DPP10: variants seen among roughly 807,000 people sequenced by gnomAD.
DPP10 encodes the protein dipeptidyl peptidase like 10.
A neutral mutation model predicts 120.9 loss-of-function variants in DPP10; 33 were observed. The ratio of observed to expected loss-of-function variants is 0.27; its 90% CI spans 0.21 to 0.37. The LOEUF is 0.37. Among genes scored for constraint, DPP10 ranks in the 10% least tolerant of loss-of-function variants. The probability of loss-of-function intolerance (pLI) is 1.00; values close to 1 mark genes in which losing one functional copy is unlikely to be tolerated. For missense variants in DPP10, 816 were observed against 942.8 expected, an observed-to-expected ratio of 0.87 and a Z score of 1.76; for synonymous variants, 337 against 326.1, an observed-to-expected ratio of 1.03 and a Z score of -0.36.
At chr2:115,531,135 G>T (rs1465194237) in intron 5 of DPP10, among the ~76,000 whole-genome samples, 2 of 100,930 alleles carry the variant, frequency 2.0e-5, no homozygotes, top group Non-Finnish European at 3.9e-5. Flanking sequence ...TACCTAATAT[G>T]ATTCAAGATT....
intron 5 of DPP10, among the ~76,000 whole-genome samples, chr2:115,581,905 C>G (rs62156707): frequency 0.019 from 2,931 of 152,192 alleles, 57 homozygotes; most frequent in Non-Finnish European, 0.028. Context: ...AGTGGCAACT[C>G]CATATGGGTC....
At chr2:115,228,905 T>G (rs969155698) in intron 1 of DPP10, among the ~76,000 whole-genome samples, 1 of 152,140 alleles carries the variant, frequency 6.6e-6, no homozygotes, top group Admixed American at 6.6e-5. Flanking sequence ...GTGGTGGGGT[T>G]GCTGGATCTT....
At chr2:115,498,878 A>G (rs951650213) in intron 3 of DPP10, among the ~76,000 whole-genome samples, 54 of 152,112 alleles carry the variant, frequency 3.6e-4, no homozygotes, top group African/African-American at 1.2e-3. Flanking sequence ...AAGAAATGCA[A>G]TTATTTAAAA....
At chr2:115,283,563 T>C (rs1395128748) in intron 1 of DPP10, among the ~76,000 whole-genome samples, 2 of 152,122 alleles carry the variant, frequency 1.3e-5, no homozygotes, top group Non-Finnish European at 2.9e-5. Flanking sequence ...TTACTGGTTT[T>C]GGTTATTGGA....
chr2:115,477,442 A>C (rs1042249796), intron 3 of DPP10, among the ~76,000 whole-genome samples: 1 of 152,180 alleles, frequency 6.6e-6, no homozygotes, highest in African/African-American at 2.4e-5. Flanking sequence ...TTAAGAATTT[A>C]GTTATCTAAA....
intron 1 of DPP10, among the ~76,000 whole-genome samples, chr2:115,182,957 C>T (rs1441418568): frequency 6.6e-6 from 1 of 152,080 alleles, no homozygotes; most frequent in Middle Eastern, 3.2e-3. Flanking sequence ...ATACACCCAC[C>T]CCATGGACAA....
At chr2:114,480,310 G>C (rs1168762866) in intron 1 of DPP10, among the ~76,000 whole-genome samples, 1 of 151,884 alleles carries the variant, frequency 6.6e-6, no homozygotes, top group Admixed American at 6.6e-5. Context: ...ATTCCTCAGG[G>C]ATCTAGAACT....
At chr2:115,756,650 G>A (rs573436633) in intron 11 of DPP10, among the ~76,000 whole-genome samples, 29 of 152,152 alleles carry the variant, frequency 1.9e-4, no homozygotes, top group East Asian at 5.8e-4. Context: ...CTCTAGAAGC[G>A]GGTGGATTGC....
At chr2:115,238,378 C>T (rs1204064802) in intron 1 of DPP10, among the ~76,000 whole-genome samples, 1 of 152,182 alleles carries the variant, frequency 6.6e-6, no homozygotes, top group Non-Finnish European at 1.5e-5. Flanking sequence ...TAACAATGCA[C>T]CTGGTTACCC....
chr2:115,230,112 A>C (rs1169775324), intron 1 of DPP10, among the ~76,000 whole-genome samples: 2 of 151,920 alleles, frequency 1.3e-5, no homozygotes, highest in East Asian at 3.9e-4. Flanking sequence ...AATGTTTTAC[A>C]GTTTTTATTG....
At chr2:114,504,644 G>A (rs1010562740) in intron 1 of DPP10, among the ~76,000 whole-genome samples, 1 of 152,014 alleles carries the variant, frequency 6.6e-6, no homozygotes, top group Non-Finnish European at 1.5e-5. Flanking sequence ...TCCACAATAG[G>A]CCAGCCACTA....
At chr2:115,125,297 T>C (rs2050017679) in intron 1 of DPP10, among the ~76,000 whole-genome samples, 1 of 152,186 alleles carries the variant, frequency 6.6e-6, no homozygotes, top group South Asian at 2.1e-4. Context: ...TAACATGATG[T>C]ATATTTTTAA....
chr2:115,620,569 A>G lies in DPP10; in HGVS notation c.442-69118A>G, dbSNP rs143990851. Among the ~76,000 whole-genome samples the G allele has an allele frequency of 4.7e-3, 715 of 152,288 alleles. 7 individuals carry two copies. The highest frequency in any genetic ancestry group is 0.017 in the African/African-American group (693 of 41,576). On this transcript the variant is annotated intron_variant, in intron 5 of 25. Transcript: ENST00000410059. ...ATAATTCTTACAAATCTCTACTAACAGTTCTGGTTGTGTTGATGCTTTGGA... is the reference window on the plus strand; with the variant it reads ...ATAATTCTTACAAATCTCTACTAACGGTTCTGGTTGTGTTGATGCTTTGGA...
intron 1 of DPP10, chr2:115,066,924 A>G (rs1331824207): frequency 1.3e-5 from 2 of 152,336 alleles, no homozygotes; most frequent in East Asian, 1.9e-4. Flanking sequence ...TGTGGTGAGA[A>G]CATTTAAGAA....
At chr2:115,016,688 C>A (rs1342596907) in intron 1 of DPP10, among the ~76,000 whole-genome samples, 5 of 151,588 alleles carry the variant, frequency 3.3e-5, no homozygotes. Context: ...AACAAGTGGG[C>A]AAAGGATATG....
At chr2:114,623,368 C>CTGG (rs1367086424) in intron 1 of DPP10, among the ~76,000 whole-genome samples, 1 of 152,112 alleles carries the variant, frequency 6.6e-6, no homozygotes, top group African/African-American at 2.4e-5. Context: ...GATGATACAA[C>CTGG]TGCCAGCAGC....
intron 1 of DPP10, among the ~76,000 whole-genome samples, chr2:114,694,479 G>A (rs895197680): frequency 6.6e-6 from 1 of 151,856 alleles, no homozygotes; most frequent in Non-Finnish European, 1.5e-5. Flanking sequence ...CTCTCAGTGG[G>A]GATAGTTTGC....
At chr2:114,521,081 A>C (rs537743218) in intron 1 of DPP10, among the ~76,000 whole-genome samples, 9 of 152,344 alleles carry the variant, frequency 5.9e-5, no homozygotes, top group African/African-American at 2.2e-4. Context: ...ATGGGAAACA[A>C]AATGGCAAAT....
At chr2:114,556,230 GATACATATATATATAT>G (rs1200953801) in intron 1 of DPP10, among the ~76,000 whole-genome samples, 1 of 27,892 alleles carries the variant, frequency 3.6e-5, no homozygotes, top group Non-Finnish European at 6.4e-5. Context: ...ATACATAGAT[GATACATATATATATAT>G]ATATATATAT....
Sources: gnomAD v4.1 joint callset for allele counts (sites outside exome capture counted in the v4.1 genomes callset) on GRCh38, gnomAD v4.1.1 for gene constraint, MANE v1.5 for transcripts, NCBI Gene and HGNC (gene_info 2026-07-23, HGNC 2026-07-21) for gene names.